Variants in CNTN5 observed in about 807,000 individuals in gnomAD.
CNTN5 encodes the protein contactin 5.
CNTN5 carries 77 observed loss-of-function variants against 129.1 expected under a neutral mutation model. The ratio of observed to expected loss-of-function variants is 0.60; its 90% CI spans 0.50 to 0.72. CNTN5 has a LOEUF of 0.72. Ranked by LOEUF, CNTN5 falls within the 30% of genes least tolerant of loss-of-function variation. CNTN5 has a pLI of 0.00. For missense variants in CNTN5, 1,478 were observed against 1,328.8 expected (o/e 1.11, Z -1.75); for synonymous variants, 509 against 465.6 (o/e 1.09, Z -1.20).
chr11:99,348,199 C>T (rs907762730), intron 2 of CNTN5, among the ~76,000 whole-genome samples: 5 of 152,044 alleles, frequency 3.3e-5, no homozygotes, highest in South Asian at 2.1e-4. Flanking sequence ...ATTAGCCAGG[C>T]GTGGTGGCAG....
chr11:100,073,760 A>G (rs1040051161), intron 12 of CNTN5, among the ~76,000 whole-genome samples: 15 of 152,302 alleles, frequency 9.8e-5, no homozygotes, highest in African/African-American at 3.6e-4. Context: ...AATGGAAGAC[A>G]CAGGATTGTC....
chr11:99,275,655 C>G (rs779354495), intron 1 of CNTN5, among the ~76,000 whole-genome samples: 1 of 151,636 alleles, frequency 6.6e-6, no homozygotes, highest in Non-Finnish European at 1.5e-5. Context: ...TGGCAGAGCT[C>G]TCTCACATGA....
chr11:100,094,144 AG>A (rs1944901090), intron 13 of CNTN5, among the ~76,000 whole-genome samples: 1 of 152,160 alleles, frequency 6.6e-6, no homozygotes, highest in Non-Finnish European at 1.5e-5. Flanking sequence ...AATGGGAGCC[AG>A]GTCTTCAGGA....
chr11:99,240,675 A>T (rs546707999), intron 1 of CNTN5, among the ~76,000 whole-genome samples: 3 of 152,252 alleles, frequency 2.0e-5, no homozygotes, highest in African/African-American at 7.2e-5. Flanking sequence ...TTTCTTATGA[A>T]TTCCAATGCT....
At chr11:99,524,205 T>A (rs1947398780) in intron 2 of CNTN5, among the ~76,000 whole-genome samples, 1 of 152,216 alleles carries the variant, frequency 6.6e-6, no homozygotes, top group Non-Finnish European at 1.5e-5. Context: ...TCACTTTTGA[T>A]GGTGCTTTTA....
chr11:99,730,164 T>C (rs553340107), intron 3 of CNTN5, among the ~76,000 whole-genome samples: 7 of 152,194 alleles, frequency 4.6e-5, no homozygotes, highest in Non-Finnish European at 1.0e-4. Flanking sequence ...TGTGAATAAC[T>C]ATTAATTAAA....
chr11:99,049,468 T>G (rs1189486483), intron 1 of CNTN5: 1 of 152,114 alleles, frequency 6.6e-6, no homozygotes, highest in African/African-American at 2.4e-5. Flanking sequence ...ATAACAAAAA[T>G]CTATTCATCA....
chr11:99,826,760 T>C (rs867691268), intron 4 of CNTN5, among the ~76,000 whole-genome samples: 37 of 151,974 alleles, frequency 2.4e-4, no homozygotes, highest in African/African-American at 8.9e-4. Context: ...TATTAAGGAG[T>C]CTAAAAATTT....
chr11:99,988,962 T>C (rs946408791), intron 8 of CNTN5, among the ~76,000 whole-genome samples: 3 of 152,088 alleles, frequency 2.0e-5, no homozygotes, highest in Non-Finnish European at 4.4e-5. Flanking sequence ...AGTTTTTTGT[T>C]TGTTTGTTTG....
intron 2 of CNTN5, among the ~76,000 whole-genome samples, chr11:99,477,172 G>A (rs965500109): frequency 6.6e-6 from 1 of 151,780 alleles, no homozygotes; most frequent in African/African-American, 2.4e-5. Context: ...AATTGAAGAA[G>A]CATACAGTTT....
At chr11:99,374,486 A>G (rs1245209325) in intron 2 of CNTN5, among the ~76,000 whole-genome samples, 1 of 152,128 alleles carries the variant, frequency 6.6e-6, no homozygotes, top group Non-Finnish European at 1.5e-5. Context: ...GATCAAGACC[A>G]TCCTGGCTAA....
chr11:99,793,533 G>A (rs191916068), intron 3 of CNTN5, among the ~76,000 whole-genome samples: 32 of 152,174 alleles, frequency 2.1e-4, no homozygotes, highest in Admixed American at 3.9e-4. Flanking sequence ...TTGAGATCTT[G>A]CTAAATTTTT....
At chr11:99,639,141 G>T (rs1951673433) in intron 3 of CNTN5, among the ~76,000 whole-genome samples, 3 of 152,190 alleles carry the variant, frequency 2.0e-5, no homozygotes, top group Admixed American at 2.0e-4. Context: ...AGACCACGTG[G>T]ACACTGCCAA....
intron 13 of CNTN5, among the ~76,000 whole-genome samples, chr11:100,078,216 A>AT (rs775005196): frequency 3.2e-4 from 48 of 152,242 alleles, no homozygotes; most frequent in Middle Eastern, 3.4e-3. Context: ...AAAACACAGT[A>AT]TTTTTTATGT....
intron 1 of CNTN5, among the ~76,000 whole-genome samples, chr11:99,287,735 T>C (rs1029271495): frequency 1.3e-5 from 2 of 151,976 alleles, no homozygotes; most frequent in African/African-American, 4.8e-5. Context: ...AACTCTACAA[T>C]AGTATATAAG....
chr11:100,341,223 C>G lies in CNTN5; in HGVS notation c.3030+18C>G, dbSNP rs201171647. 4.4e-5 allele frequency: 68 copies of G among 1,529,112 alleles called. No individual in the cohort carries two copies. The highest frequency in any genetic ancestry group is 5.5e-5 in the Non-Finnish European group (61 of 1,102,918). 94.7% of individuals were successfully genotyped at this position (1,529,112 alleles called of 1,614,324 possible). A position where few individuals can be genotyped will look rare whatever the true frequency, so the allele number is the denominator to read the frequency against. ...GTTACAAGGTCAGTATTTCTTCACT[C>G]TTTTGCATAGATACTCATCTCCGAA... On this transcript the variant is annotated intron_variant, in intron 23 of 24. Coordinates refer to ENST00000524871, the MANE Select transcript of CNTN5 (RefSeq NM_014361.4).
At chr11:100,026,855 AC>A (rs939956842) in intron 9 of CNTN5, among the ~76,000 whole-genome samples, 19 of 151,876 alleles carry the variant, frequency 1.3e-4, no homozygotes, top group African/African-American at 4.6e-4. Flanking sequence ...AGTGTCTTTT[AC>A]GAAGCATAAA....
intron 3 of CNTN5, among the ~76,000 whole-genome samples, chr11:99,667,586 T>G (rs2135936162): frequency 6.6e-6 from 1 of 152,298 alleles, no homozygotes; most frequent in Non-Finnish European, 1.5e-5. Context: ...ATTTCAAAGC[T>G]ATTAAAATAC....
chr11:100,070,215 T>G (rs1311495687), intron 10 of CNTN5, among the ~76,000 whole-genome samples: 1 of 151,876 alleles, frequency 6.6e-6, no homozygotes, highest in Non-Finnish European at 1.5e-5. Flanking sequence ...AAAATAGCAT[T>G]TTATATTATC....
Sources: allele counts gnomAD v4.1 joint callset (sites outside exome capture counted in the v4.1 genomes callset), GRCh38; gene constraint gnomAD v4.1.1; transcripts MANE v1.5; gene names NCBI Gene and HGNC (gene_info 2026-07-23, HGNC 2026-07-21).